SERGEF: variants seen among roughly 807,000 people sequenced by gnomAD.
SERGEF encodes secretion-regulating guanine nucleotide exchange factor.
A neutral mutation model predicts 50.0 loss-of-function variants in SERGEF; 51 were observed. That is an observed-to-expected ratio of 1.02 (90% CI 0.81 to 1.29). The LOEUF (loss-of-function observed/expected upper bound fraction) is 1.29, where lower values mean the gene tolerates loss of function less well. Ranked by LOEUF, SERGEF falls within the 50% of genes most tolerant of loss-of-function variation. SERGEF has a pLI of 0.00. For synonymous variants in SERGEF, 205 were observed against 212.4 expected, an observed-to-expected ratio of 0.97 and a Z score of 0.30; for missense variants, 521 against 557.0, an observed-to-expected ratio of 0.94 and a Z score of 0.65.
At chr11:18,000,706 T>C (rs1853942258) in intron 4 of SERGEF, 149 bp from the exon 5 acceptor site, 3 of 718,824 alleles carry the variant, frequency 4.2e-6, no homozygotes, top group Non-Finnish European at 7.7e-6. Context: ...CACCCATTAA[T>C]ACCTCTACAT....
At chr11:17,893,230 A>G (rs1243092298) in intron 9 of SERGEF, among the ~76,000 whole-genome samples, 1 of 152,200 alleles carries the variant, frequency 6.6e-6, no homozygotes, top group Non-Finnish European at 1.5e-5. Context: ...TTTTTTAAAT[A>G]GATGAGAAAA....
chr11:17,939,063 ACT>A (rs924198913), intron 9 of SERGEF, among the ~76,000 whole-genome samples: 103 of 152,256 alleles, frequency 6.8e-4, no homozygotes, highest in African/African-American at 2.4e-3. Flanking sequence ...TAAGATGGTG[ACT>A]CTATCACCTA....
chr11:17,958,483 T>G (rs971452460), intron 9 of SERGEF, among the ~76,000 whole-genome samples: 18 of 152,156 alleles, frequency 1.2e-4, no homozygotes, highest in Admixed American at 1.1e-3. Flanking sequence ...AAATTAAGAT[T>G]CCTGCCTTAA....
intron 10 of SERGEF, among the ~76,000 whole-genome samples, chr11:17,873,786 T>C (rs1851193550): frequency 6.6e-6 from 1 of 152,082 alleles, no homozygotes; most frequent in African/African-American, 2.4e-5. Context: ...ATAAAATCCT[T>C]CCAAGGGTCT....
At chr11:17,877,953 TATG>T (rs904636916) in intron 10 of SERGEF, 12 of 386,664 alleles carry the variant, frequency 3.1e-5, no homozygotes. Flanking sequence ...AGTTCTTTAA[TATG>T]CTCAAATGCC....
At chr11:17,850,864 A>G (rs552686773) in intron 10 of SERGEF, among the ~76,000 whole-genome samples, 17 of 152,234 alleles carry the variant, frequency 1.1e-4, no homozygotes, top group Non-Finnish European at 2.2e-4. Context: ...CAGGGGGGCA[A>G]TTGTAAATGG....
At chr11:17,914,997 G>T (rs1852022688) in intron 9 of SERGEF, among the ~76,000 whole-genome samples, 1 of 152,236 alleles carries the variant, frequency 6.6e-6, no homozygotes, top group Non-Finnish European at 1.5e-5. Context: ...AATATGGTTA[G>T]GAACGGCTTT....
chr11:17,937,493 T>C (rs547836731), intron 9 of SERGEF, among the ~76,000 whole-genome samples: 2 of 152,168 alleles, frequency 1.3e-5, no homozygotes, highest in East Asian at 3.9e-4. Context: ...GCTGAGATCG[T>C]GCCACTGGAC....
At chr11:17,931,104 C>T (rs935518080) in intron 9 of SERGEF, among the ~76,000 whole-genome samples, 2 of 152,150 alleles carry the variant, frequency 1.3e-5, no homozygotes, top group African/African-American at 4.8e-5. Flanking sequence ...AAACAGCTAT[C>T]ATTTATTTGT....
At chr11:17,800,491 G>A (rs1006952558) in intron 10 of SERGEF, among the ~76,000 whole-genome samples, 82 of 152,302 alleles carry the variant, frequency 5.4e-4, no homozygotes, top group Non-Finnish European at 4.4e-5. Context: ...GAATAAATGA[G>A]TGGAAGAATA....
At chr11:17,955,229 C>G (rs1364981884) in intron 9 of SERGEF, among the ~76,000 whole-genome samples, 1 of 152,174 alleles carries the variant, frequency 6.6e-6, no homozygotes, top group Non-Finnish European at 1.5e-5. Context: ...TTGACCATTC[C>G]ATCTTTAGTG....
chr11:17,902,513 C>T lies in SERGEF; in HGVS notation c.1012-24269G>A, dbSNP rs192018624. On this transcript the variant is annotated intron_variant, in intron 9 of 10. Coordinates refer to ENST00000265965, the MANE Select transcript of SERGEF (RefSeq NM_012139.4). ...AACTGACTGGAGCACTCTCATCAAG[C>T]TGAATCACAGAGAACCCCAAGCCTC... 2.0e-5 allele frequency among the ~76,000 whole-genome samples: 3 copies of T among 152,270 alleles called. No homozygotes were observed. The East Asian group carries it at 5.8e-4, about 29-fold the overall frequency.
intron 5 of SERGEF, 56 bp downstream of exon 5, chr11:18,000,441 C>T: frequency 8.4e-7 from 1 of 1,192,228 alleles, no homozygotes; most frequent in South Asian, 1.4e-5. Flanking sequence ...AGAGTGAGAC[C>T]CCATCTCTAA....
intron 9 of SERGEF, among the ~76,000 whole-genome samples, chr11:17,943,693 G>T (rs1448094231): frequency 6.6e-6 from 1 of 152,032 alleles, no homozygotes; most frequent in African/African-American, 2.4e-5. Flanking sequence ...TTCATTTAAA[G>T]ATATAAATTT....
chr11:17,885,527 T>C (rs1302113835), intron 9 of SERGEF, among the ~76,000 whole-genome samples: 2 of 152,032 alleles, frequency 1.3e-5, no homozygotes, highest in East Asian at 1.9e-4. Context: ...GATCTCATCA[T>C]GTTGTCCAGA....
At chr11:17,915,145 T>TATGAATGA (rs141026832) in intron 9 of SERGEF, among the ~76,000 whole-genome samples, 170 of 152,082 alleles carry the variant, frequency 1.1e-3, no homozygotes, top group Non-Finnish European at 2.0e-3. Context: ...ATGCTCGTTG[T>TATGAATGA]ATGAATGAAT....
chr11:17,886,099 A>G (rs1481881021), intron 9 of SERGEF, among the ~76,000 whole-genome samples: 2 of 152,028 alleles, frequency 1.3e-5, no homozygotes, highest in Non-Finnish European at 2.9e-5. Flanking sequence ...GACTTTGGGT[A>G]AATCTCTTTG....
At chr11:17,951,779 T>C (rs1852779688) in intron 9 of SERGEF, among the ~76,000 whole-genome samples, 1 of 152,194 alleles carries the variant, frequency 6.6e-6, no homozygotes, top group African/African-American at 2.4e-5. Flanking sequence ...CTTTGAGCAG[T>C]GACAGCTTTC....
chr11:17,935,242 G>C (rs1852428552), intron 9 of SERGEF, among the ~76,000 whole-genome samples: 1 of 152,158 alleles, frequency 6.6e-6, no homozygotes. Flanking sequence ...ACCTTGGGTG[G>C]CCAAGGCAGG....
Sources: gnomAD v4.1 joint callset for allele counts (sites outside exome capture counted in the v4.1 genomes callset) on GRCh38, gnomAD v4.1.1 for gene constraint, MANE v1.5 for transcripts, NCBI Gene and HGNC (gene_info 2026-07-23, HGNC 2026-07-21) for gene names.